Variants in ZNF500 observed in about 807,000 individuals in gnomAD.
The protein encoded by ZNF500 is zinc finger protein with KRAB and SCAN domains 18.
Under a neutral mutation model 30.1 loss-of-function variants are expected in ZNF500, and 31 were observed. That is an observed-to-expected ratio of 1.03 (90% CI 0.77 to 1.39). The LOEUF is 1.39. Among genes scored for constraint, ZNF500 ranks in the 40% most tolerant of loss-of-function variants. The pLI is 0.00. For synonymous variants in ZNF500, 392 were observed against 282.0 expected (o/e 1.39, Z -3.91); for missense variants, 817 against 657.8 (o/e 1.24, Z -2.65).
At chr16:4,756,435 G>A (rs2082135459) in intron 5 of ZNF500, 1 of 152,068 alleles carries the variant, frequency 6.6e-6, no homozygotes, top group South Asian at 2.1e-4. Context: ...AGTGAGCCGA[G>A]ATCATGCCAC....
At chr16:4,762,014 C>T (rs1450127060) in intron 4 of ZNF500, among the ~76,000 whole-genome samples, 1 of 152,232 alleles carries the variant, frequency 6.6e-6, no homozygotes, top group Non-Finnish European at 1.5e-5. Context: ...AGTCACCACC[C>T]TGTCTCACTG....
chr16:4,765,725 G>T lies in ZNF500; in HGVS notation c.254C>A (p.Thr85Asn), dbSNP rs150438524. 5 of 1,613,332 alleles carry T rather than the reference G, an allele frequency of 3.1e-6. No homozygotes were observed. Among genetic ancestry groups the T allele is most frequent in the Non-Finnish European group, 4.2e-6 (5 of 1,179,972 alleles). ...CCRWLRPELR[T>N]KEQILELLVL... ...CAGCAGCTCCAGGATCTGCTCCTTG[G>T]TGCGCAGCTCCGGCCGCAGCCAGCG... is the stretch of plus-strand genomic sequence containing the variant. Residue 85 changes from threonine to asparagine, a missense_variant, in exon 2 of 6, where the codon ACC becomes AAC. Coordinates refer to ENST00000219478, the MANE Select transcript of ZNF500 (RefSeq NM_021646.4).
In ZNF500 at chr16:4,748,552, C is replaced by A. The variant is rs1441605528; in HGVS notation, c.*3824G>T. 2 of 152,286 alleles carry A rather than the reference C, an allele frequency of 1.3e-5. No individual in the cohort carries two copies. Among genetic ancestry groups the A allele is most frequent in the Non-Finnish European group, 2.9e-5 (2 of 68,106 alleles). The allele number at this position is 152,286 out of a possible 1,614,324, so 9.4% of individuals were successfully genotyped here. ...GTTGATCACCAGCAAAAACTGGGGACATCTGCTTGCCCCCTGCCAAGACCC... is the reference window on the plus strand; with the variant it reads ...GTTGATCACCAGCAAAAACTGGGGAAATCTGCTTGCCCCCTGCCAAGACCC... On this transcript the variant is annotated 3_prime_UTR_variant, in exon 6 of 6. Transcript: ENST00000219478.
Position 4,751,965 on chromosome 16 carries a change from CACAG to C in ZNF500, c.*407_*410del, listed in dbSNP as rs1289425788. 1.2e-6 allele frequency: 1 copy of C among 800,860 alleles called. No individual in the cohort carries two copies. Among genetic ancestry groups the C allele is most frequent in the African/African-American group, 1.8e-5 (1 of 55,862 alleles). The allele number at this position is 800,860 out of a possible 1,614,324, so 49.6% of individuals were successfully genotyped here. A position where few individuals can be genotyped will look rare whatever the true frequency, so the allele number is the denominator to read the frequency against. On this transcript the variant is annotated 3_prime_UTR_variant, in exon 6 of 6. Coordinates refer to ENST00000219478, the MANE Select transcript of ZNF500 (RefSeq NM_021646.4). Reference sequence around the variant, plus strand: ...TACACACAGAGACAGCGCACAGGGTCACAGACACACAGGAGAGGGGTTGGGACGT... The same window carrying C: ...TACACACAGAGACAGCGCACAGGGTCACACACAGGAGAGGGGTTGGGACGT...
At chr16:4,746,594 T>C (rs759988), downstream of ZNF500, 952,380 of 1,466,050 alleles carry the variant, frequency 0.65, 311,492 homozygotes, top group East Asian at 0.69. Context: ...TGGTGGATCC[T>C]GATGGGGAGG....
intron 5 of ZNF500, among the ~76,000 whole-genome samples, chr16:4,759,061 T>C (rs902429740): frequency 1.4e-5 from 2 of 147,934 alleles, no homozygotes; most frequent in African/African-American, 5.0e-5. Flanking sequence ...ATAGAAAAAT[T>C]AGCCGGGTAT....
Position 4,761,478 on chromosome 16 carries a change from TACACACACACACACAC to T in ZNF500, c.663+777_663+792del, listed in dbSNP as rs71139657. Among the ~76,000 whole-genome samples, 685 of 129,816 alleles carry T rather than the reference TACACACACACACACAC, an allele frequency of 5.3e-3. 4 individuals are homozygous for T. The highest frequency in any genetic ancestry group is 0.014 in the African/African-American group (476 of 33,830). The allele number at this position is 129,816 out of a possible 152,430, so 85.2% of individuals were successfully genotyped here. ...ACAAAACAAAACAAATACACATACA[TACACACACACACACAC>T]ACACACACACACACACACACACACA... On this transcript the variant is annotated intron_variant, in intron 4 of 5. Coordinates refer to ENST00000219478, the MANE Select transcript of ZNF500 (RefSeq NM_021646.4).
intron 5 of ZNF500, among the ~76,000 whole-genome samples, chr16:4,758,028 A>C (rs964657664): frequency 6.6e-6 from 1 of 151,066 alleles, no homozygotes; most frequent in Non-Finnish European, 1.5e-5. Flanking sequence ...CAGCCTCCCA[A>C]GTAGCTGGGA....
intron 4 of ZNF500, among the ~76,000 whole-genome samples, chr16:4,761,033 G>A (rs763041064): frequency 1.3e-5 from 2 of 152,164 alleles, no homozygotes; most frequent in Non-Finnish European, 2.9e-5. Flanking sequence ...ACTCTTTCCA[G>A]AACAGGCAAA....
chr16:4,760,629 C>A, intron 4 of ZNF500, 41 bp from the exon 5 acceptor site: 1 of 1,578,122 alleles, frequency 6.3e-7, no homozygotes, highest in East Asian at 2.3e-5. Context: ...CCCAAGCAAG[C>A]TGCCTCCTCC....
At position 4,760,521 on chromosome 16, in the gene ZNF500, G is replaced by A. The variant is rs376581142; in HGVS notation, c.731C>T (p.Ala244Val). 28 of 1,613,698 alleles carry A rather than the reference G, an allele frequency of 1.7e-5. No individual in the cohort carries two copies. The highest frequency in any genetic ancestry group is 2.2e-5 in the Non-Finnish European group (26 of 1,179,860). ...ATTCTCCAGCGGCGCGTCCCGCTGAGCTGGGTCCATGCATCTTGGCTCCTC... is the reference window on the plus strand; with the variant it reads ...ATTCTCCAGCGGCGCGTCCCGCTGAACTGGGTCCATGCATCTTGGCTCCTC... Reference protein sequence around the residue: ...SGEEPRCMDPAQRDAPLENEG... With the variant: ...SGEEPRCMDPVQRDAPLENEG... Residue 244 changes from alanine to valine, a missense_variant, in exon 5 of 6, where the codon GCT (alanine) becomes GTT (valine). Ala to Val is a moderately conservative substitution (Grantham distance 64, BLOSUM62 0). Transcript: ENST00000219478.
intron 5 of ZNF500, chr16:4,756,769 GC>G (rs2141838411): frequency 6.6e-6 from 1 of 152,152 alleles, no homozygotes; most frequent in African/African-American, 2.4e-5. Flanking sequence ...ACCCGCCTTG[GC>G]CTCCCAAAGT....
chr16:4,763,037 C>A, intron 2 of ZNF500: 4 of 985,434 alleles, frequency 4.1e-6, no homozygotes, highest in Non-Finnish European at 4.8e-6. Flanking sequence ...AGACCCTGGG[C>A]CAGAAGAGCC....
intron 2 of ZNF500, 108 bp downstream of exon 2, chr16:4,765,457 G>C: frequency 6.8e-7 from 1 of 1,460,190 alleles, no homozygotes; most frequent in Non-Finnish European, 9.2e-7. Context: ...AAGGGCTCAG[G>C]GGCCAGGCAG....
chr16:4,747,046 C>T (rs376834868), downstream of ZNF500: 61 of 1,509,058 alleles, frequency 4.0e-5, no homozygotes, highest in Middle Eastern at 2.0e-3. Flanking sequence ...AGGGGCCTCT[C>T]GCCACCTGCA....
intron 2 of ZNF500, 96 bp downstream of exon 2, chr16:4,765,469 C>A (rs2082253745): frequency 4.7e-6 from 7 of 1,490,576 alleles, no homozygotes; most frequent in Non-Finnish European, 6.3e-6. Flanking sequence ...GCCAGGCAGC[C>A]ACACTTGGTC....
At position 4,751,872 on chromosome 16, in the gene ZNF500, T is replaced by G; in HGVS notation, c.*504A>C. Reference sequence around the variant, plus strand: ...GCAGTGAGCTATGATCATGGCACTGTATTCCCGCCTGGGGGACACAGCAAG... The same window carrying G: ...GCAGTGAGCTATGATCATGGCACTGGATTCCCGCCTGGGGGACACAGCAAG... On this transcript the variant is annotated 3_prime_UTR_variant, in exon 6 of 6. Transcript: ENST00000219478. 3.2e-6 allele frequency: 1 copy of G among 315,232 alleles called. No individual in the cohort carries two copies. The highest frequency in any genetic ancestry group is 5.4e-6 in the Non-Finnish European group (1 of 185,110). The allele number at this position is 315,232 out of a possible 1,614,324, so 19.5% of individuals were successfully genotyped here.
At chr16:4,756,017 G>A (rs1402986325) in intron 5 of ZNF500, among the ~76,000 whole-genome samples, 1 of 152,148 alleles carries the variant, frequency 6.6e-6, no homozygotes, top group African/African-American at 2.4e-5. Flanking sequence ...CAGAGACAGA[G>A]CAGACAGGTG....
chr16:4,747,394 G>C (rs1346062069), downstream of ZNF500: 2 of 1,610,450 alleles, frequency 1.2e-6, no homozygotes, highest in Non-Finnish European at 8.5e-7. Flanking sequence ...CCTTTCAGAA[G>C]GGGACAGCCC....
Sources: allele counts gnomAD v4.1 joint callset (sites outside exome capture counted in the v4.1 genomes callset), GRCh38; gene constraint gnomAD v4.1.1; transcripts MANE v1.5; gene names NCBI Gene and HGNC (gene_info 2026-07-23, HGNC 2026-07-21).